KIF18A: variants seen among roughly 807,000 people sequenced by gnomAD.
KIF18A encodes the protein kinesin family member 18A, also known as kinesin-like protein KIF18A.
KIF18A carries 67 observed loss-of-function variants against 103.3 expected under a neutral mutation model. The observed-to-expected ratio is 0.65, with a 90% confidence interval of 0.53 to 0.79. The LOEUF is 0.79. KIF18A is among the 30% of genes least tolerant of loss of function. KIF18A has a pLI of 0.00. For synonymous variants in KIF18A, 367 were observed against 355.5 expected, an observed-to-expected ratio of 1.03 and a Z score of -0.36; for missense variants, 1,032 against 1,062.5, an observed-to-expected ratio of 0.97 and a Z score of 0.40.
In KIF18A at chr11:28,083,798, T is replaced by C. The variant is rs775620322; in HGVS notation, c.1075-555A>G. 5.3e-5 allele frequency among the ~76,000 whole-genome samples: 8 copies of C among 152,248 alleles called. No individual in the cohort carries two copies. The East Asian group carries it at 1.5e-3, about 29-fold the overall frequency. On this transcript the variant is annotated intron_variant, in intron 7 of 16. Coordinates refer to ENST00000263181, the MANE Select transcript of KIF18A (RefSeq NM_031217.4). The stretch of plus-strand genomic sequence containing the variant: ...TCAAGGGGCTAGTGTAAGGGCTACA[T>C]GAAAATCATGTGTTACAAACCTTTC...
In KIF18A at chr11:28,046,246, C is replaced by T. The variant is rs925941127; in HGVS notation, c.1949-9582G>A. Among the ~76,000 whole-genome samples, 8 of 151,038 alleles carry T rather than the reference C, an allele frequency of 5.3e-5. No homozygotes were observed. In the East Asian group the frequency reaches 5.8e-4, roughly 11 times the overall value. On this transcript the variant is annotated intron_variant, in intron 13 of 16. Coordinates refer to ENST00000263181, the MANE Select transcript of KIF18A (RefSeq NM_031217.4). ...ATGCTGCTATAAAGACACATGCACA[C>T]GTATGTTTATTGCGGCACTATTCAC... is the stretch of plus-strand genomic sequence containing the variant.
At chr11:28,049,735 C>T (rs1204341375) in intron 13 of KIF18A, among the ~76,000 whole-genome samples, 2 of 151,910 alleles carry the variant, frequency 1.3e-5, no homozygotes, top group African/African-American at 2.4e-5. Flanking sequence ...TTAATGTATA[C>T]ATTTCAATAA....
At chr11:28,052,130 G>C (rs536269535) in intron 13 of KIF18A, among the ~76,000 whole-genome samples, 17 of 152,042 alleles carry the variant, frequency 1.1e-4, no homozygotes, top group African/African-American at 3.9e-4. Context: ...CTATTATCCT[G>C]GTCTGAATAA....
chr11:28,069,394 T>C lies in KIF18A; in HGVS notation c.1455A>G (p.Ala485=), dbSNP rs1444657013. The part of the protein sequence containing the change: ...KATGKRDHRL[A]MLKTRRSYLE... ...GGTAGGAGCGACGAGTTTTCAACAT[T>C]GCAAGTCTATGATCTCGTTTTCCAG... Residue 485 remains alanine, a synonymous_variant, in exon 11 of 17, where the codon GCA becomes GCG. Coordinates refer to ENST00000263181, the MANE Select transcript of KIF18A (RefSeq NM_031217.4). 2.5e-6 allele frequency: 4 copies of C among 1,613,396 alleles called. No individual in the cohort carries two copies. Among genetic ancestry groups the C allele is most frequent in the Non-Finnish European group, 1.7e-6 (2 of 1,179,752 alleles).
At chr11:28,048,923 A>G (rs566653047) in intron 13 of KIF18A, among the ~76,000 whole-genome samples, 212 of 152,168 alleles carry the variant, frequency 1.4e-3, no homozygotes, top group African/African-American at 5.0e-3. Context: ...AGAAATCATG[A>G]TAACAGAAGG....
intron 6 of KIF18A, 29 bp from the exon 7 acceptor site, chr11:28,084,837 C>A: frequency 1.3e-6 from 2 of 1,561,014 alleles, no homozygotes; most frequent in South Asian, 2.3e-5. Flanking sequence ...GATCTTATGT[C>A]ATTTTCCACA....
chr11:28,068,962 A>G (rs762506096), intron 11 of KIF18A, among the ~76,000 whole-genome samples: 1 of 152,188 alleles, frequency 6.6e-6, no homozygotes, highest in Non-Finnish European at 1.5e-5. Flanking sequence ...TAACCATAAC[A>G]CATTTAATGT....
At chr11:28,052,329 G>A (rs1326888289) in intron 13 of KIF18A, among the ~76,000 whole-genome samples, 2 of 152,056 alleles carry the variant, frequency 1.3e-5, no homozygotes, top group Non-Finnish European at 2.9e-5. Context: ...AGTCCTGATA[G>A]TAACCTACAA....
At chr11:28,107,192 T>C (rs1851533881) in intron 1 of KIF18A, among the ~76,000 whole-genome samples, 1 of 152,156 alleles carries the variant, frequency 6.6e-6, no homozygotes, top group African/African-American at 2.4e-5. Context: ...AACAGGAGGC[T>C]AGACGTGGTG....
At position 28,084,818 on chromosome 11, in the gene KIF18A, C is replaced by CA. The variant is rs1213333258; in HGVS notation, c.898-11dup. ...TATGCTGATTCTTTCTCTGAAAGCA[C>CA]AAAAAAGAGATCTTATGTCATTTTC... On this transcript the variant is annotated splice_polypyrimidine_tract_variant and intron_variant, in intron 6 of 16. Transcript: ENST00000263181. 6.3e-7 allele frequency: 1 copy of CA among 1,598,574 alleles called. No individual in the cohort carries two copies. The highest frequency in any genetic ancestry group is 1.3e-5 in the African/African-American group (1 of 74,116).
chr11:28,029,596 A>G (rs961898052), intron 15 of KIF18A, among the ~76,000 whole-genome samples: 32 of 152,300 alleles, frequency 2.1e-4, no homozygotes, highest in African/African-American at 7.2e-4. Context: ...AAAAACTGGA[A>G]GCATTCCCTT....
chr11:28,065,789 C>T (rs1850912246), intron 11 of KIF18A, among the ~76,000 whole-genome samples: 2 of 151,986 alleles, frequency 1.3e-5, no homozygotes, highest in South Asian at 2.1e-4. Flanking sequence ...ATGCTGATTA[C>T]ATGGACAAAC....
chr11:28,101,750 T>C (rs913852998), intron 1 of KIF18A, among the ~76,000 whole-genome samples: 1 of 152,172 alleles, frequency 6.6e-6, no homozygotes, highest in Admixed American at 6.5e-5. Flanking sequence ...CTGTGACAAG[T>C]GCCATTATAG....
chr11:28,027,215 A>C (rs1337604112), intron 15 of KIF18A, among the ~76,000 whole-genome samples: 1 of 151,850 alleles, frequency 6.6e-6, no homozygotes, highest in East Asian at 1.9e-4. Flanking sequence ...ATAGCAAAGA[A>C]AAAGAGGTAG....
intron 13 of KIF18A, among the ~76,000 whole-genome samples, chr11:28,054,337 A>G (rs1400643326): frequency 1.3e-5 from 2 of 152,006 alleles, no homozygotes; most frequent in African/African-American, 4.8e-5. Flanking sequence ...CAGCCTCCCA[A>G]GTAGCTAGGA....
chr11:28,091,811 G>T (rs990310476), intron 3 of KIF18A, among the ~76,000 whole-genome samples: 2 of 152,110 alleles, frequency 1.3e-5, no homozygotes, highest in Non-Finnish European at 2.9e-5. Context: ...TAGCTGAAGT[G>T]CATTTTCTTC....
Position 28,040,134 on chromosome 11 carries a change from C to A in KIF18A, c.1949-3470G>T, listed in dbSNP as rs200535914. ...AAACAACTAAATTTTACTCTGAATA[C>A]AATTTTTATAATATATAAATACAAT... On this transcript the variant is annotated intron_variant, in intron 13 of 16. Coordinates refer to ENST00000263181, the MANE Select transcript of KIF18A (RefSeq NM_031217.4). Among the ~76,000 whole-genome samples, 4 of 151,822 alleles carry A rather than the reference C, an allele frequency of 2.6e-5. No individual in the cohort carries two copies. In the South Asian group the frequency reaches 6.2e-4, roughly 24 times the overall value.
chr11:28,072,106 G>A (rs533598032), intron 10 of KIF18A, among the ~76,000 whole-genome samples: 1 of 152,000 alleles, frequency 6.6e-6, no homozygotes, highest in East Asian at 1.9e-4. Context: ...AAGTGTTTGG[G>A]AATACATTCT....
intron 15 of KIF18A, among the ~76,000 whole-genome samples, chr11:28,024,440 G>C (rs1850287240): frequency 6.6e-6 from 1 of 151,952 alleles, no homozygotes; most frequent in Admixed American, 6.6e-5. Context: ...TACTCAATTT[G>C]AGTTGCCATA....
Sources: gnomAD v4.1 joint callset for allele counts (sites outside exome capture counted in the v4.1 genomes callset) on GRCh38, gnomAD v4.1.1 for gene constraint, MANE v1.5 for transcripts, NCBI Gene and HGNC (gene_info 2026-07-23, HGNC 2026-07-21) for gene names.